Variants in ACSBG2 observed in about 807,000 individuals in gnomAD.
The protein encoded by ACSBG2 is long-chain-fatty-acid--CoA ligase ACSBG2.
In ACSBG2, 62 loss-of-function variants were observed where a neutral mutation model predicts 74.7. That is an observed-to-expected ratio of 0.83 (90% confidence interval 0.68 to 1.03). ACSBG2 has a LOEUF of 1.03. Ranked by LOEUF, ACSBG2 falls within the 50% of genes least tolerant of loss-of-function variation. ACSBG2 has a pLI of 0.00. For synonymous variants in ACSBG2, 309 were observed against 294.1 expected (o/e 1.05, Z -0.52); for missense variants, 730 against 817.6 (o/e 0.89, Z 1.31).
chr19:6,139,089 CTTA>C (rs2088716592), intron 1 of ACSBG2, among the ~76,000 whole-genome samples: 1 of 87,590 alleles, frequency 1.1e-5, no homozygotes, highest in Non-Finnish European at 2.0e-5. Flanking sequence ...TAAAATTAAA[CTTA>C]TTTTTTTTTT....
Position 6,141,573 on chromosome 19 carries a change from A to G in ACSBG2, c.30A>G (p.Gly10=). 1.2e-6 allele frequency: 2 copies of G among 1,612,378 alleles called. No homozygotes were observed. The highest frequency in any genetic ancestry group is 3.3e-5 in the Admixed American group (2 of 60,026). MTGTPKTQE[G]AKDLEVDMNK... ...CTGGAACCCCAAAGACTCAAGAAGG[A>G]GCTAAAGATCTTGAAGTAGACATGA... Residue 10 remains glycine (G), a synonymous_variant, in exon 2 of 15, where the codon GGA becomes GGG. Coordinates refer to ENST00000588485, the MANE Select transcript of ACSBG2 (RefSeq NM_030924.5).
In ACSBG2 at chr19:6,189,954, C is replaced by T. The variant is rs546595290; in HGVS notation, c.1928-630C>T. 244 of 152,688 alleles carry T rather than the reference C, an allele frequency of 1.6e-3. 2 individuals are homozygous for T. The highest frequency in any genetic ancestry group is 3.3e-3 in the Admixed American group (50 of 15,344). 9.5% of individuals were successfully genotyped at this position (152,688 alleles called of 1,614,324 possible). A position where few individuals can be genotyped will look rare whatever the true frequency, so the allele number is the denominator to read the frequency against. On this transcript the variant is annotated intron_variant, in intron 13 of 14. Transcript: ENST00000588485. Reference sequence around the variant, plus strand: ...TGATCTCTTGACCTCGTGATCAACCCGCCTTGGCCTCCCAAAGTGCTGGGA... The same window carrying T: ...TGATCTCTTGACCTCGTGATCAACCTGCCTTGGCCTCCCAAAGTGCTGGGA...
intron 10 of ACSBG2, 40 bp downstream of exon 10, chr19:6,183,312 A>C: frequency 6.3e-5 from 98 of 1,548,948 alleles, no homozygotes; most frequent in Non-Finnish European, 7.8e-5. Context: ...CTCCCATAAC[A>C]TGGGGTCAAG....
intron 2 of ACSBG2, among the ~76,000 whole-genome samples, chr19:6,145,445 AAG>A (rs2088996105): frequency 6.6e-6 from 1 of 151,282 alleles, no homozygotes; most frequent in Admixed American, 6.6e-5. Context: ...AAAAAAAAAA[AAG>A]TAGCATCCCA....
chr19:6,173,195 C>A (rs1233123480), intron 7 of ACSBG2, among the ~76,000 whole-genome samples: 3 of 152,074 alleles, frequency 2.0e-5, no homozygotes, highest in African/African-American at 7.2e-5. Context: ...GATCCTGCGG[C>A]CCCCCAGAGG....
intron 7 of ACSBG2, 36 bp downstream of exon 7, chr19:6,166,051 T>C (rs1329006399): frequency 1.2e-6 from 2 of 1,610,184 alleles, no homozygotes; most frequent in East Asian, 2.2e-5. Context: ...AGTGGTGGCC[T>C]TTGGGCTGTT....
rs1222905466 is a variant in ACSBG2 at position 6,192,903 on chromosome 19, A to C, written c.*271A>C. 1 of 152,080 alleles carries C rather than the reference A, an allele frequency of 6.6e-6. No individual in the cohort carries two copies. Among genetic ancestry groups the C allele is most frequent in the African/African-American group, 2.4e-5 (1 of 41,398 alleles). 9.4% of individuals were successfully genotyped at this position (152,080 alleles called of 1,614,324 possible). On this transcript the variant is annotated 3_prime_UTR_variant, in exon 15 of 15. Transcript: ENST00000588485. Reference sequence around the variant, plus strand: ...AAGCCTATTGGGAAGTCTACTAAAAACTGCCTGATTTACAAGAAAGACCTG... The same window carrying C: ...AAGCCTATTGGGAAGTCTACTAAAACCTGCCTGATTTACAAGAAAGACCTG...
At chr19:6,153,777 A>C (rs1441610121) in intron 4 of ACSBG2, among the ~76,000 whole-genome samples, 1 of 151,872 alleles carries the variant, frequency 6.6e-6, no homozygotes, top group Non-Finnish European at 1.5e-5. Context: ...CAGCCCAAGA[A>C]GTTGAGACTG....
At position 6,183,285 on chromosome 19, in the gene ACSBG2, G is replaced by A. The variant is rs752946961; in HGVS notation, c.1322+13G>A. The A allele has an allele frequency of 6.3e-5, 102 of 1,609,976 alleles. No homozygotes were observed. The highest frequency in any genetic ancestry group is 6.7e-5 in the African/African-American group (5 of 74,806). On this transcript the variant is annotated intron_variant, in intron 10 of 14. Coordinates refer to ENST00000588485, the MANE Select transcript of ACSBG2 (RefSeq NM_030924.5). ...ACAGGCTTCTAAGGTACCAGCCCCC[G>A]GGGCAGACCCCTGCTCCTCCCATAA...
At chr19:6,152,301 T>TTTTTTTTTTTGTA (rs1424577463) in intron 4 of ACSBG2, among the ~76,000 whole-genome samples, 2 of 71,310 alleles carry the variant, frequency 2.8e-5, no homozygotes, top group Non-Finnish European at 6.5e-5. Context: ...TTTTTTTTTT[T>TTTTTTTTTTTGTA]GAGACGGAGT....
intron 4 of ACSBG2, among the ~76,000 whole-genome samples, chr19:6,153,604 G>C (rs1318353684): frequency 2.0e-5 from 3 of 152,128 alleles, no homozygotes; most frequent in Non-Finnish European, 4.4e-5. Flanking sequence ...GGGAGGCTGA[G>C]ATGGGAAGAC....
intron 8 of ACSBG2, among the ~76,000 whole-genome samples, chr19:6,178,962 G>A (rs1429346114): frequency 2.0e-5 from 3 of 152,224 alleles, no homozygotes; most frequent in Non-Finnish European, 4.4e-5. Context: ...CAAGGAGGCT[G>A]TGCTTTTGTA....
intron 11 of ACSBG2, 140 bp from the exon 12 acceptor site, chr19:6,187,143 T>C (rs1276086016): frequency 3.6e-6 from 4 of 1,117,910 alleles, no homozygotes; most frequent in African/African-American, 1.6e-5. Flanking sequence ...TAGCTGGGAT[T>C]ACAGGTGCAC....
At chr19:6,186,975 G>T (rs943870707) in intron 11 of ACSBG2, among the ~76,000 whole-genome samples, 1 of 145,776 alleles carries the variant, frequency 6.9e-6, no homozygotes, top group Non-Finnish European at 1.5e-5. Context: ...AGGATTACAG[G>T]TGTGAGCCAC....
intron 10 of ACSBG2, among the ~76,000 whole-genome samples, chr19:6,183,634 G>C (rs1371726001): frequency 6.6e-6 from 1 of 152,060 alleles, no homozygotes; most frequent in Non-Finnish European, 1.5e-5. Context: ...CTTGCCCTAG[G>C]CTGCAAGGTT....
At chr19:6,177,739 CTTT>C (rs34354988) in intron 8 of ACSBG2, among the ~76,000 whole-genome samples, 73,996 of 150,420 alleles carry the variant, frequency 0.49, 20,204 homozygotes, top group Admixed American at 0.66. Flanking sequence ...AATAAAACAA[CTTT>C]TTTTTTTTTT....
chr19:6,185,337 C>A, intron 10 of ACSBG2, 99 bp from the exon 11 acceptor site: 1 of 1,195,796 alleles, frequency 8.4e-7, no homozygotes, highest in Non-Finnish European at 1.2e-6. Flanking sequence ...CCTGCTCTAG[C>A]TGAGCAGAGT....
intron 7 of ACSBG2, among the ~76,000 whole-genome samples, chr19:6,172,694 G>A (rs1408269786): frequency 6.6e-6 from 1 of 152,170 alleles, no homozygotes; most frequent in African/African-American, 2.4e-5. Context: ...CTTATCTCAT[G>A]CACTGTCAAT....
intron 4 of ACSBG2, among the ~76,000 whole-genome samples, chr19:6,153,419 TTAAG>T (rs2089302450): frequency 6.6e-6 from 1 of 152,020 alleles, no homozygotes. Context: ...CCAATAGAGG[TTAAG>T]TGTCTTCCCC....
Sources: allele counts gnomAD v4.1 joint callset (sites outside exome capture counted in the v4.1 genomes callset), GRCh38; gene constraint gnomAD v4.1.1; transcripts MANE v1.5; gene names NCBI Gene and HGNC (gene_info 2026-07-23, HGNC 2026-07-21).